The following SCAI variants were observed in gnomAD, a reference collection of about 807,000 sequenced individuals.
The protein encoded by SCAI is suppressor of cancer cell invasion, also known as protein SCAI.
SCAI carries 24 observed loss-of-function variants against 92.2 expected under a neutral mutation model. The observed-to-expected ratio is 0.26, with a 90% CI of 0.19 to 0.37. The LOEUF (loss-of-function observed/expected upper bound fraction) is 0.37, where lower values mean the gene tolerates loss of function less well. Among genes scored for constraint, SCAI ranks in the 10% least tolerant of loss-of-function variants. The pLI, the probability that SCAI is intolerant of heterozygous loss-of-function variation, is 1.00. For missense variants in SCAI, 450 were observed against 736.2 expected (o/e 0.61, Z 4.50); for synonymous variants, 261 against 258.6 (o/e 1.01, Z -0.09).
Position 124,944,466 on chromosome 9 carries a change from ATTTT to A in SCAI, c.*8337_*8340del, listed in dbSNP as rs71374207. 7 of 84,728 alleles carry A rather than the reference ATTTT, an allele frequency of 8.3e-5. No individual in the cohort carries two copies. Among genetic ancestry groups the A allele is most frequent in the African/African-American group, 2.4e-4 (5 of 20,438 alleles). The allele number at this position is 84,728 out of a possible 1,614,324, so 5.2% of individuals were successfully genotyped here. On this transcript the variant is annotated 3_prime_UTR_variant, in exon 18 of 18. Coordinates refer to ENST00000336505, the MANE Select transcript of SCAI (RefSeq NM_001144877.3). Reference sequence around the variant, plus strand: ...AGGCGCACACCACCATGCCTGGCTAATTTTTTTTTTTTTTTTTTTTTTTTTGTAT... The same window carrying A: ...AGGCGCACACCACCATGCCTGGCTAATTTTTTTTTTTTTTTTTTTTTGTAT...
intron 2 of SCAI, among the ~76,000 whole-genome samples, chr9:125,071,353 G>A (rs745594224): frequency 9.9e-5 from 15 of 152,142 alleles, no homozygotes; most frequent in Non-Finnish European, 5.9e-5. Flanking sequence ...GAACATGACT[G>A]TGCCACTGCA....
intron 17 of SCAI, 57 bp downstream of exon 17, chr9:124,971,313 A>G (rs1831654464): frequency 7.6e-6 from 7 of 924,312 alleles, no homozygotes; most frequent in Non-Finnish European, 1.2e-5. Context: ...AATATAATAC[A>G]TGGTTCTTAA....
chr9:125,096,312 A>G (rs967026025), intron 2 of SCAI, among the ~76,000 whole-genome samples: 3 of 152,154 alleles, frequency 2.0e-5, no homozygotes, highest in Non-Finnish European at 2.9e-5. Flanking sequence ...AGGAGAACAC[A>G]GGAAAAACCT....
chr9:125,082,490 G>A (rs1345201315), intron 2 of SCAI, among the ~76,000 whole-genome samples: 1 of 152,234 alleles, frequency 6.6e-6, no homozygotes, highest in Non-Finnish European at 1.5e-5. Flanking sequence ...GCTATGAGAA[G>A]AGGGCCACCG....
chr9:125,088,112 T>G (rs10986551), intron 2 of SCAI, among the ~76,000 whole-genome samples: 3,538 of 152,236 alleles, frequency 0.023, 124 homozygotes, highest in Admixed American at 0.089. Context: ...GTTTTGTTTT[T>G]TTTGAGACAG....
intron 17 of SCAI, 96 bp from the exon 18 acceptor site, chr9:124,953,049 CT>C: frequency 1.1e-6 from 1 of 951,634 alleles, no homozygotes; most frequent in Non-Finnish European, 1.6e-6. Flanking sequence ...TGTATTTTCA[CT>C]TTTATACTGG....
chr9:124,994,871 G>C, intron 14 of SCAI, 63 bp downstream of exon 14: 1 of 1,007,414 alleles, frequency 9.9e-7, no homozygotes. Flanking sequence ...CACACATTAA[G>C]AGTGGGTACC....
At chr9:124,978,899 C>G (rs1472606892) in intron 14 of SCAI, among the ~76,000 whole-genome samples, 1 of 151,764 alleles carries the variant, frequency 6.6e-6, no homozygotes, top group African/African-American at 2.4e-5. Flanking sequence ...TTCGCTCTGT[C>G]GCCCAGGCTG....
At chr9:125,136,341 G>A (rs1835527103) in intron 2 of SCAI, among the ~76,000 whole-genome samples, 1 of 151,376 alleles carries the variant, frequency 6.6e-6, no homozygotes, top group Non-Finnish European at 1.5e-5. Context: ...GAACTCCTGG[G>A]CTCACACCAT....
At chr9:125,027,867 G>T (rs910875822) in intron 5 of SCAI, among the ~76,000 whole-genome samples, 1 of 152,106 alleles carries the variant, frequency 6.6e-6, no homozygotes, top group African/African-American at 2.4e-5. Flanking sequence ...TTGTATACCT[G>T]ATTATCACTT....
chr9:124,988,488 A>T (rs1196819591), intron 14 of SCAI, among the ~76,000 whole-genome samples: 12 of 152,156 alleles, frequency 7.9e-5, no homozygotes, highest in Non-Finnish European at 1.6e-4. Flanking sequence ...ACCATGATTT[A>T]AAAAAACCCA....
intron 2 of SCAI, among the ~76,000 whole-genome samples, chr9:125,094,990 T>G (rs190981479): frequency 3.7e-4 from 56 of 152,292 alleles, no homozygotes; most frequent in African/African-American, 1.1e-3. Context: ...ATGTATTAAT[T>G]ACTTTCACAC....
At chr9:124,974,466 A>T (rs1252354837) in intron 15 of SCAI, among the ~76,000 whole-genome samples, 4 of 149,172 alleles carry the variant, frequency 2.7e-5, no homozygotes, top group Non-Finnish European at 6.0e-5. Context: ...AAAAAAAAAA[A>T]TTGAATAAAT....
rs1306444488 is a variant in SCAI, at chr9:124,948,550, A to T, written c.*4257T>A. On this transcript the variant is annotated 3_prime_UTR_variant, in exon 18 of 18. Transcript: ENST00000336505. ...CTACTGAGAAGACTGGGCTGAGATGAGGAGATCTGAGTTTTAGTTCTAGCT... is the reference window on the plus strand; with the variant it reads ...CTACTGAGAAGACTGGGCTGAGATGTGGAGATCTGAGTTTTAGTTCTAGCT... 2.6e-5 allele frequency: 4 copies of T among 152,260 alleles called. No individual in the cohort carries two copies. Among genetic ancestry groups the T allele is most frequent in the African/African-American group, 9.6e-5 (4 of 41,468 alleles). 9.4% of individuals were successfully genotyped at this position (152,260 alleles called of 1,614,324 possible). A position where few individuals can be genotyped will look rare whatever the true frequency, so the allele number is the denominator to read the frequency against.
At chr9:125,090,728 C>T (rs1238550607) in intron 2 of SCAI, among the ~76,000 whole-genome samples, 1 of 152,198 alleles carries the variant, frequency 6.6e-6, no homozygotes, top group Non-Finnish European at 1.5e-5. Flanking sequence ...CCACCTCAGC[C>T]TCCCAAACTG....
intron 2 of SCAI, among the ~76,000 whole-genome samples, chr9:125,057,320 A>G (rs1833689481): frequency 6.6e-6 from 1 of 152,236 alleles, no homozygotes. Flanking sequence ...GAGATAAGAT[A>G]GAGAAATGAG....
chr9:125,096,595 G>C (rs923962424), intron 2 of SCAI, among the ~76,000 whole-genome samples: 6 of 152,020 alleles, frequency 3.9e-5, no homozygotes, highest in African/African-American at 1.2e-4. Context: ...CTTGATACCA[G>C]CCTCCTCTTC....
intron 6 of SCAI, among the ~76,000 whole-genome samples, chr9:125,022,994 TTACTC>T (rs10558844): frequency 0.17 from 25,712 of 152,018 alleles, 2,326 homozygotes; most frequent in East Asian, 0.25. Flanking sequence ...CAAGTAAACT[TTACTC>T]TATGTTTCTT....
intron 2 of SCAI, among the ~76,000 whole-genome samples, chr9:125,084,247 T>G (rs1834281637): frequency 7.5e-6 from 1 of 133,868 alleles, no homozygotes; most frequent in South Asian, 2.6e-4. Flanking sequence ...CTCGGCTCAC[T>G]GCAAGCTCCG....
Sources: gnomAD v4.1 joint callset for allele counts (sites outside exome capture counted in the v4.1 genomes callset) on GRCh38, gnomAD v4.1.1 for gene constraint, MANE v1.5 for transcripts, NCBI Gene and HGNC (gene_info 2026-07-23, HGNC 2026-07-21) for gene names.